The following XKR9 variants were observed in gnomAD, a reference collection of about 807,000 sequenced individuals.
XKR9 encodes the protein XK related 9, also known as XK-related protein 9.
A neutral mutation model predicts 32.0 loss-of-function variants in XKR9; 32 were observed. The observed-to-expected ratio is 1.00, with a 90% CI of 0.76 to 1.34. The LOEUF (loss-of-function observed/expected upper bound fraction) is 1.34. XKR9 is among the 40% of genes most tolerant of loss of function. The pLI is 0.00. For missense variants in XKR9, 546 were observed against 429.7 expected, an observed-to-expected ratio of 1.27 and a Z score of -2.39; for synonymous variants, 168 against 143.4, an observed-to-expected ratio of 1.17 and a Z score of -1.22.
At chr8:71,019,620 C>T in the XKR9 span, among the ~76,000 whole-genome samples, 6 of 152,256 alleles carry the variant, frequency 3.9e-5, no homozygotes, top group African/African-American at 1.4e-4. Flanking sequence ...TGTTAAATCT[C>T]TAAGGTTGAG....
chr8:70,913,984 C>T, the XKR9 span, among the ~76,000 whole-genome samples: 3 of 152,104 alleles, frequency 2.0e-5, no homozygotes, highest in Non-Finnish European at 4.4e-5. Context: ...AATTTATATA[C>T]TGTTGATAGA....
chr8:70,898,699 C>A, the XKR9 span, among the ~76,000 whole-genome samples: 2 of 151,992 alleles, frequency 1.3e-5, no homozygotes, highest in African/African-American at 4.8e-5. Flanking sequence ...TTTAACATTT[C>A]TCTTTTTTAA....
chr8:71,012,937 A>G, the XKR9 span, among the ~76,000 whole-genome samples: 2 of 152,238 alleles, frequency 1.3e-5, no homozygotes, highest in Non-Finnish European at 2.9e-5. Context: ...GTCTTACTCT[A>G]TTCCTGCCAC....
At chr8:70,951,277 G>A in the XKR9 span, among the ~76,000 whole-genome samples, 1 of 152,364 alleles carries the variant, frequency 6.6e-6, no homozygotes, top group South Asian at 2.1e-4. Context: ...TCTGAGATAA[G>A]CCAAAGCAAT....
chr8:70,690,794 A>G (rs1421885722), intron 3 of XKR9, among the ~76,000 whole-genome samples: 1 of 152,120 alleles, frequency 6.6e-6, no homozygotes, highest in Non-Finnish European at 1.5e-5. Context: ...TCCATGGTGT[A>G]TATATAACAC....
the XKR9 span, among the ~76,000 whole-genome samples, chr8:70,891,007 G>A: frequency 4.6e-4 from 70 of 151,876 alleles, no homozygotes; most frequent in African/African-American, 1.3e-3. Flanking sequence ...CTATTTCTTC[G>A]TGGTTCAATC....
At chr8:70,868,333 C>T in the XKR9 span, among the ~76,000 whole-genome samples, 1 of 152,114 alleles carries the variant, frequency 6.6e-6, no homozygotes, top group South Asian at 2.1e-4. Flanking sequence ...CATGAGGGCC[C>T]CACTCCTGCA....
At chr8:70,934,796 G>A in the XKR9 span, among the ~76,000 whole-genome samples, 492 of 151,754 alleles carry the variant, frequency 3.2e-3, 1 homozygote, top group African/African-American at 0.011. Context: ...GATGTAACTC[G>A]TTTTAACAAA....
At chr8:70,791,621 C>G (rs1807765144), downstream of XKR9, among the ~76,000 whole-genome samples, 2 of 152,000 alleles carry the variant, frequency 1.3e-5, no homozygotes, top group South Asian at 4.1e-4. Context: ...CCCCACCACT[C>G]TCTTTTACTC....
At chr8:70,942,391 T>A in the XKR9 span, among the ~76,000 whole-genome samples, 1 of 152,180 alleles carries the variant, frequency 6.6e-6, no homozygotes, top group African/African-American at 2.4e-5. Context: ...TGCAGCATGA[T>A]GTTTTACGGT....
chr8:70,901,505 G>A, the XKR9 span, among the ~76,000 whole-genome samples: 1 of 152,028 alleles, frequency 6.6e-6, no homozygotes, highest in Non-Finnish European at 1.5e-5. Context: ...TTGAAGGGGT[G>A]TTTGGTTTTT....
chr8:70,791,556 A>G (rs1807764380), downstream of XKR9, among the ~76,000 whole-genome samples: 1 of 152,182 alleles, frequency 6.6e-6, no homozygotes, highest in Middle Eastern at 3.4e-3. Flanking sequence ...TCCTTATAAA[A>G]GGATGAGTTA....
At chr8:70,684,815 G>T (rs972976616) in intron 3 of XKR9, among the ~76,000 whole-genome samples, 2 of 147,418 alleles carry the variant, frequency 1.4e-5, no homozygotes, top group African/African-American at 2.5e-5. Flanking sequence ...ACACCAGTTA[G>T]AATGGCAATC....
At chr8:70,898,129 T>G in the XKR9 span, among the ~76,000 whole-genome samples, 4 of 152,206 alleles carry the variant, frequency 2.6e-5, no homozygotes, top group Admixed American at 1.3e-4. Context: ...CTTTTACATA[T>G]GGATATCCAG....
In XKR9 at chr8:70,669,401, A is replaced by G. The variant is rs1818614787; in HGVS notation, c.-498A>G. ...GGTGGGAAGGCTGGCGCGAGGCGTGAGGTGGCGTGAGGCGAAGCTGGAATC... is the reference window on the plus strand; with the variant it reads ...GGTGGGAAGGCTGGCGCGAGGCGTGGGGTGGCGTGAGGCGAAGCTGGAATC... On this transcript the variant is annotated 5_prime_UTR_variant, in exon 1 of 5. Coordinates refer to ENST00000408926, the MANE Select transcript of XKR9 (RefSeq NM_001011720.2). 3 of 402,616 alleles carry G rather than the reference A, an allele frequency of 7.5e-6. No individual in the cohort carries two copies. In the South Asian group the frequency reaches 8.6e-5, roughly 12 times the overall value. 24.9% of individuals were successfully genotyped at this position (402,616 alleles called of 1,614,324 possible). A position where few individuals can be genotyped will look rare whatever the true frequency, so the allele number is the denominator to read the frequency against.
the XKR9 span, among the ~76,000 whole-genome samples, chr8:71,009,913 A>C: frequency 6.6e-6 from 1 of 152,318 alleles, no homozygotes; most frequent in East Asian, 1.9e-4. Context: ...TAGATTTTGC[A>C]CTGTGTTGAG....
intron 2 of XKR9, among the ~76,000 whole-genome samples, chr8:70,786,596 A>T (rs1215626467): frequency 2.6e-5 from 4 of 151,506 alleles, no homozygotes; most frequent in African/African-American, 9.7e-5. Context: ...AGCTAACACT[A>T]CTCTTTTGGT....
chr8:70,764,551 G>T (rs532788609), intron 2 of XKR9, among the ~76,000 whole-genome samples: 15 of 152,064 alleles, frequency 9.9e-5, no homozygotes, highest in Non-Finnish European at 2.1e-4. Flanking sequence ...GACCAGATCT[G>T]CCTCTTCATT....
the XKR9 span, among the ~76,000 whole-genome samples, chr8:70,810,605 C>T: frequency 1.3e-5 from 2 of 151,972 alleles, no homozygotes; most frequent in Non-Finnish European, 2.9e-5. Context: ...ATCTACAAAG[C>T]AAATGGAAAA....
Sources: gnomAD v4.1 joint callset for allele counts (sites outside exome capture counted in the v4.1 genomes callset) on GRCh38, gnomAD v4.1.1 for gene constraint, MANE v1.5 for transcripts, NCBI Gene and HGNC (gene_info 2026-07-23, HGNC 2026-07-21) for gene names.